Variants in PEX5L observed in about 807,000 individuals in gnomAD.
PEX5L encodes PEX5-related protein.
In PEX5L, 30 loss-of-function variants were observed where a neutral mutation model predicts 84.0. The ratio of observed to expected loss-of-function variants is 0.36; its 90% confidence interval spans 0.27 to 0.48. PEX5L has a LOEUF of 0.48. PEX5L is among the 20% of genes least tolerant of loss of function. The pLI, the probability that PEX5L is intolerant of heterozygous loss-of-function variation, is 0.99. For missense variants in PEX5L, 533 were observed against 754.6 expected (o/e 0.71, Z 3.44); for synonymous variants, 270 against 283.1 (o/e 0.95, Z 0.46).
At chr3:179,808,607 A>G (rs966872200) in intron 12 of PEX5L, among the ~76,000 whole-genome samples, 170 bp from the exon 13 acceptor site, 1 of 152,208 alleles carries the variant, frequency 6.6e-6, no homozygotes, top group African/African-American at 2.4e-5. Context: ...ATGTTTTAAA[A>G]TATGGTTGAA....
At chr3:180,012,389 T>C (rs1366975456) in intron 1 of PEX5L, among the ~76,000 whole-genome samples, 2 of 151,808 alleles carry the variant, frequency 1.3e-5, no homozygotes, top group Non-Finnish European at 2.9e-5. Context: ...TTGCTTTTTA[T>C]GGGAAAGAGG....
chr3:179,886,849 A>G (rs533014300), intron 4 of PEX5L, among the ~76,000 whole-genome samples: 2 of 152,360 alleles, frequency 1.3e-5, no homozygotes, highest in Admixed American at 1.3e-4. Context: ...AAATTTAACA[A>G]GACAGTATGT....
At chr3:179,849,737 C>G (rs1455163015) in intron 8 of PEX5L, among the ~76,000 whole-genome samples, 2 of 152,202 alleles carry the variant, frequency 1.3e-5, no homozygotes, top group Non-Finnish European at 2.9e-5. Context: ...AAGGCTGGCT[C>G]ACATAGAGTT....
chr3:180,002,185 C>T (rs1450785771), intron 1 of PEX5L, among the ~76,000 whole-genome samples: 2 of 152,070 alleles, frequency 1.3e-5, no homozygotes, highest in Non-Finnish European at 2.9e-5. Flanking sequence ...CTGAACAATG[C>T]TGCATTTAGT....
chr3:179,892,971 G>C (rs1758053538), intron 3 of PEX5L, among the ~76,000 whole-genome samples: 1 of 152,120 alleles, frequency 6.6e-6, no homozygotes. Flanking sequence ...GAGATTTTGA[G>C]GGAAAACCCT....
intron 1 of PEX5L, among the ~76,000 whole-genome samples, chr3:179,977,433 C>A (rs1239218397): frequency 6.6e-6 from 1 of 152,180 alleles, no homozygotes; most frequent in East Asian, 1.9e-4. Context: ...CCCCTTTCCT[C>A]TTGACTCTCC....
rs1577974755 is a variant in PEX5L at position 179,879,606 on chromosome 3, T to A, written c.505+323A>T. ...GTTACTCACAAGTCCCTCTTTCTCA[T>A]CCTGGACTGAGTGCTCCTACAGAGC... On this transcript the variant is annotated intron_variant, in intron 5 of 14. Transcript: ENST00000467460. Among the ~76,000 whole-genome samples the A allele has an allele frequency of 2.0e-5, 3 of 152,204 alleles. No homozygotes were observed. In the East Asian group the frequency reaches 5.8e-4, roughly 29 times the overall value.
intron 8 of PEX5L, among the ~76,000 whole-genome samples, chr3:179,853,606 A>G (rs558737008): frequency 6.6e-6 from 1 of 152,292 alleles, no homozygotes; most frequent in African/African-American, 2.4e-5. Flanking sequence ...GCTGCTGGCT[A>G]TAAGGAAAAT....
At chr3:179,994,344 C>A (rs940522) in intron 1 of PEX5L, among the ~76,000 whole-genome samples, 29,768 of 152,152 alleles carry the variant, frequency 0.2, 3,535 homozygotes, top group African/African-American at 0.34. Flanking sequence ...CCTTTGCCAG[C>A]TTCTAGTGTG....
chr3:179,796,557 G>A lies in PEX5L; in HGVS notation c.*5271C>T, dbSNP rs1483466488. 3 of 151,356 alleles carry A rather than the reference G, an allele frequency of 2.0e-5. No individual in the cohort carries two copies. The highest frequency in any genetic ancestry group is 2.9e-5 in the Non-Finnish European group (2 of 67,874). The allele number at this position is 151,356 out of a possible 1,614,324, so 9.4% of individuals were successfully genotyped here. On this transcript the variant is annotated 3_prime_UTR_variant, in exon 15 of 15. Coordinates refer to ENST00000467460, the MANE Select transcript of PEX5L (RefSeq NM_016559.3). ...AACTGTTTAATGCCTCCCCACAATC[G>A]TCTTTGCTATGTGTGTTATGTGTAG... is the stretch of plus-strand genomic sequence containing the variant.
chr3:179,888,566 C>T (rs550556593), intron 3 of PEX5L, among the ~76,000 whole-genome samples: 20 of 151,400 alleles, frequency 1.3e-4, no homozygotes, highest in South Asian at 6.3e-4. Flanking sequence ...CTTTGAATCC[C>T]GTCTTGCCGA....
intron 7 of PEX5L, among the ~76,000 whole-genome samples, chr3:179,863,577 C>A (rs1023736539): frequency 6.6e-5 from 10 of 152,038 alleles, no homozygotes; most frequent in Admixed American, 3.9e-4. Context: ...GATATATGAA[C>A]AAAATATTCA....
intron 1 of PEX5L, among the ~76,000 whole-genome samples, chr3:180,028,707 C>T (rs1482083015): frequency 1.3e-5 from 2 of 152,204 alleles, no homozygotes; most frequent in Non-Finnish European, 2.9e-5. Context: ...GTTTCCCCAT[C>T]TGTGAGATGA....
chr3:179,987,582 C>T (rs1341295314), intron 1 of PEX5L, among the ~76,000 whole-genome samples: 1 of 152,088 alleles, frequency 6.6e-6, no homozygotes, highest in Non-Finnish European at 1.5e-5. Context: ...CAGAACATTC[C>T]CTTGATGGTT....
intron 1 of PEX5L, among the ~76,000 whole-genome samples, chr3:180,031,059 T>C (rs1162886477): frequency 6.6e-6 from 1 of 151,324 alleles, no homozygotes; most frequent in Non-Finnish European, 1.5e-5. Context: ...AAATCTTACA[T>C]GGAGTATGAC....
intron 1 of PEX5L, among the ~76,000 whole-genome samples, chr3:180,027,001 C>T (rs537429797): frequency 2.0e-4 from 31 of 152,280 alleles, no homozygotes; most frequent in Middle Eastern, 3.4e-3. Flanking sequence ...ACCAATCAGC[C>T]GTATCTGCCC....
intron 8 of PEX5L, among the ~76,000 whole-genome samples, chr3:179,823,720 G>T (rs1729345561): frequency 6.6e-6 from 1 of 152,154 alleles, no homozygotes; most frequent in Non-Finnish European, 1.5e-5. Flanking sequence ...TTAGTGGTTT[G>T]AAAGAAGAAA....
chr3:179,918,672 G>C (rs999267412), intron 2 of PEX5L, among the ~76,000 whole-genome samples: 1 of 152,192 alleles, frequency 6.6e-6, no homozygotes, highest in Non-Finnish European at 1.5e-5. Flanking sequence ...CCATTTCACA[G>C]TGTTGTAGCC....
In PEX5L at chr3:179,810,002, C is replaced by CTTTTT. The variant is rs35662193; in HGVS notation, c.1155-339_1155-335dup. ...AGGGGATATCATTATTTTAATGCTGCTTTTTTTTTTTTTTTTTTTTTTTTT... is the reference window on the plus strand; with the variant it reads ...AGGGGATATCATTATTTTAATGCTGCTTTTTTTTTTTTTTTTTTTTTTTTTTTTTT... On this transcript the variant is annotated intron_variant, in intron 11 of 14. Coordinates refer to ENST00000467460, the MANE Select transcript of PEX5L (RefSeq NM_016559.3). Among the ~76,000 whole-genome samples, 227 of 45,304 alleles carry CTTTTT rather than the reference C, an allele frequency of 5.0e-3. 14 individuals are homozygous for CTTTTT. The highest frequency in any genetic ancestry group is 0.045 in the Middle Eastern group (2 of 44). 29.7% of individuals were successfully genotyped at this position (45,304 alleles called of 152,430 possible).
Sources: gnomAD v4.1 joint callset for allele counts (sites outside exome capture counted in the v4.1 genomes callset) on GRCh38, gnomAD v4.1.1 for gene constraint, MANE v1.5 for transcripts, NCBI Gene and HGNC (gene_info 2026-07-23, HGNC 2026-07-21) for gene names.